The following UNC79 variants were observed in gnomAD, a reference collection of about 807,000 sequenced individuals.
UNC79 encodes unc-79 subunit of NALCN channel complex.
Under a neutral mutation model 283.1 loss-of-function variants are expected in UNC79, and 37 were observed. That is an observed-to-expected ratio of 0.13 (90% CI 0.10 to 0.17). UNC79 has a LOEUF of 0.17. Ranked by LOEUF, UNC79 falls within the 10% of genes least tolerant of loss-of-function variation. UNC79 has a pLI of 1.00. For missense variants in UNC79, 2,272 were observed against 3,211.1 expected (o/e 0.71, Z 7.07); for synonymous variants, 1,107 against 1,200.2 (o/e 0.92, Z 1.61).
intron 41 of UNC79, among the ~76,000 whole-genome samples, chr14:93,680,677 GC>G (rs2073772424): frequency 6.6e-6 from 1 of 151,980 alleles, no homozygotes; most frequent in African/African-American, 2.4e-5. Flanking sequence ...TGCAACCTCT[GC>G]CCCCCAGGTT....
At chr14:93,386,264 G>A (rs1232901420) in intron 1 of UNC79, among the ~76,000 whole-genome samples, 1 of 152,124 alleles carries the variant, frequency 6.6e-6, no homozygotes, top group Non-Finnish European at 1.5e-5. Context: ...TTCATATGAT[G>A]TATCATATTG....
chr14:93,684,725 A>T lies in UNC79; in HGVS notation c.6820-1847A>T, dbSNP rs570259621. ...TTATGGTGATTTCAATTTTAATTTT[A>T]ATGATCTGTATTTTCCAAATTTCCT... On this transcript the variant is annotated intron_variant, in intron 42 of 48. Transcript: ENST00000555664. Among the ~76,000 whole-genome samples, 11 of 152,298 alleles carry T rather than the reference A, an allele frequency of 7.2e-5. No homozygotes were observed. The East Asian group carries it at 1.5e-3, about 21-fold the overall frequency.
intron 11 of UNC79, among the ~76,000 whole-genome samples, chr14:93,537,227 C>T (rs140520900): frequency 2.1e-3 from 314 of 152,344 alleles, no homozygotes; most frequent in African/African-American, 7.0e-3. Context: ...ACTCCTCTGC[C>T]TCCCGCCAGG....
chr14:93,641,944 G>A (rs1440581140), intron 33 of UNC79, among the ~76,000 whole-genome samples: 3 of 152,146 alleles, frequency 2.0e-5, no homozygotes, highest in Non-Finnish European at 4.4e-5. Context: ...CCCTGCACAA[G>A]CTCTCTTGCC....
At chr14:93,547,763 G>A (rs954197057) in intron 14 of UNC79, among the ~76,000 whole-genome samples, 3 of 152,108 alleles carry the variant, frequency 2.0e-5, no homozygotes, top group African/African-American at 7.2e-5. Flanking sequence ...GACCGAGGTT[G>A]GAGAATCACT....
intron 16 of UNC79, 134 bp downstream of exon 16, chr14:93,572,950 T>C: frequency 9.6e-7 from 1 of 1,046,678 alleles, no homozygotes; most frequent in Non-Finnish European, 1.3e-6. Context: ...GTGTATCTCC[T>C]ATGCATAGAT....
Position 93,670,176 on chromosome 14 carries a change from T to C in UNC79, c.6637-3175T>C, listed in dbSNP as rs547444588. Among the ~76,000 whole-genome samples, 123 of 152,296 alleles carry C rather than the reference T, an allele frequency of 8.1e-4. 2 individuals carry two copies. Among genetic ancestry groups the C allele is most frequent in the Admixed American group, 8.0e-3 (122 of 15,296 alleles). ...CACAGTTATCAAGACCAAAGACTTCTGTGATCAAATGTGTGGAGATTTCTT... is the reference window on the plus strand; with the variant it reads ...CACAGTTATCAAGACCAAAGACTTCCGTGATCAAATGTGTGGAGATTTCTT... On this transcript the variant is annotated intron_variant, in intron 40 of 48. Transcript: ENST00000555664.
intron 45 of UNC79, chr14:93,691,208 T>C (rs1262642471): frequency 1.8e-5 from 3 of 162,560 alleles, no homozygotes; most frequent in Admixed American, 5.6e-5. Flanking sequence ...TGGAGAGTGA[T>C]GGAGGTGATA....
At chr14:93,695,767 T>G (rs1420559995) in intron 47 of UNC79, among the ~76,000 whole-genome samples, 1 of 151,310 alleles carries the variant, frequency 6.6e-6, no homozygotes, top group Non-Finnish European at 1.5e-5. Flanking sequence ...TGGCACACAC[T>G]TGTAATCCCA....
intron 1 of UNC79, among the ~76,000 whole-genome samples, chr14:93,341,560 T>G (rs2053710821): frequency 6.7e-6 from 1 of 150,282 alleles, no homozygotes; most frequent in South Asian, 2.1e-4. Context: ...AGCCCAGAAG[T>G]TTGAGACCAT....
intron 1 of UNC79, among the ~76,000 whole-genome samples, chr14:93,387,984 A>G (rs1288509963): frequency 6.6e-6 from 1 of 152,028 alleles, no homozygotes; most frequent in African/African-American, 2.4e-5. Flanking sequence ...TTACGTAGTG[A>G]CCTTCTTTGT....
intron 1 of UNC79, among the ~76,000 whole-genome samples, chr14:93,399,508 AC>A (rs1299566320): frequency 6.6e-6 from 1 of 152,034 alleles, no homozygotes; most frequent in Non-Finnish European, 1.5e-5. Context: ...CTTTTTTTCC[AC>A]CCATTTTTCT....
At chr14:93,655,630 T>G (rs1413328574) in intron 38 of UNC79, among the ~76,000 whole-genome samples, 4 of 149,570 alleles carry the variant, frequency 2.7e-5, no homozygotes, top group Non-Finnish European at 5.9e-5. Context: ...AATATGCATG[T>G]TTCCAGTTGA....
At chr14:93,410,822 TG>T in intron 1 of UNC79, among the ~76,000 whole-genome samples, 1 of 152,244 alleles carries the variant, frequency 6.6e-6, no homozygotes, top group South Asian at 2.1e-4. Flanking sequence ...GGAAATACAC[TG>T]TGGGCCGTAG....
chr14:93,633,511 T>C (rs1358301486), intron 31 of UNC79, among the ~76,000 whole-genome samples: 2 of 152,214 alleles, frequency 1.3e-5, no homozygotes, highest in African/African-American at 4.8e-5. Context: ...CATCCCTTTC[T>C]AGGGCGTGTA....
In UNC79 at chr14:93,494,151, C is replaced by T. The variant is rs535866844; in HGVS notation, c.713-2260C>T. Among the ~76,000 whole-genome samples, 3 of 151,868 alleles carry T rather than the reference C, an allele frequency of 2.0e-5. No homozygotes were observed. In the East Asian group the frequency reaches 5.8e-4, roughly 30 times the overall value. Reference sequence around the variant, plus strand: ...AACTCCTGACCTCAGGAGTTTTGATCCACCCGCCTCGGCCTCCCACAGTGC... The same window carrying T: ...AACTCCTGACCTCAGGAGTTTTGATTCACCCGCCTCGGCCTCCCACAGTGC... On this transcript the variant is annotated intron_variant, in intron 5 of 48. Transcript: ENST00000555664.
At position 93,478,775 on chromosome 14, in the gene UNC79, A is replaced by G. The variant is rs150934027; in HGVS notation, c.619+1047A>G. Among the ~76,000 whole-genome samples the G allele has an allele frequency of 4.8e-3, 729 of 152,328 alleles. 4 individuals are homozygous for G. The highest frequency in any genetic ancestry group is 5.8e-3 in the Non-Finnish European group (395 of 68,026). ...CTTTCGTTGGTTACATTCAACTCCT[A>G]GTGATCATTATTCACATTTTAATTT... On this transcript the variant is annotated intron_variant, in intron 4 of 48. Transcript: ENST00000555664.
intron 22 of UNC79, 27 bp downstream of exon 22, chr14:93,586,935 A>G: frequency 6.2e-7 from 1 of 1,609,440 alleles, no homozygotes; most frequent in East Asian, 2.2e-5. Flanking sequence ...GTTTGTTTTG[A>G]TTGTTTATAC....
chr14:93,419,792 G>C (rs937281080), intron 1 of UNC79, among the ~76,000 whole-genome samples: 1 of 151,560 alleles, frequency 6.6e-6, no homozygotes, highest in African/African-American at 2.4e-5. Flanking sequence ...GGCCAGGTGT[G>C]GTGGCTGACC....
Sources: allele counts gnomAD v4.1 joint callset (sites outside exome capture counted in the v4.1 genomes callset), GRCh38; gene constraint gnomAD v4.1.1; transcripts MANE v1.5; gene names NCBI Gene and HGNC (gene_info 2026-07-23, HGNC 2026-07-21).